ZNF521: variants seen among roughly 807,000 people sequenced by gnomAD.
ZNF521 encodes LYST-interacting protein 3.
ZNF521 carries 14 observed loss-of-function variants against 105.5 expected under a neutral mutation model. The ratio of observed to expected loss-of-function variants is 0.13; its 90% CI spans 0.09 to 0.21. The LOEUF is 0.21. Among genes scored for constraint, ZNF521 ranks in the 10% least tolerant of loss-of-function variants. The pLI is 1.00. For synonymous variants in ZNF521, 635 were observed against 606.0 expected, an observed-to-expected ratio of 1.05 and a Z score of -0.70; for missense variants, 1,233 against 1,629.7, an observed-to-expected ratio of 0.76 and a Z score of 4.19.
intron 7 of ZNF521, among the ~76,000 whole-genome samples, chr18:25,076,937 G>A (rs2033376571): frequency 6.6e-6 from 1 of 152,218 alleles, no homozygotes; most frequent in African/African-American, 2.4e-5. Context: ...GAAGAAACAG[G>A]CAGGCTCTTT....
intron 3 of ZNF521, among the ~76,000 whole-genome samples, chr18:25,279,934 G>T (rs373828552): frequency 2.0e-5 from 3 of 152,128 alleles, no homozygotes; most frequent in African/African-American, 7.2e-5. Flanking sequence ...AGGCTTTTAT[G>T]GTCTAGCATT....
rs1910698382 is a variant in ZNF521 at position 25,286,187 on chromosome 18, A to C, written c.220+35821T>G. On this transcript the variant is annotated intron_variant, in intron 3 of 7. Transcript: ENST00000361524. ...CACAAAGGACAGGAGTGGAATACTG[A>C]AGAGCTCTGGCACTGATGAGAGAGT... is the stretch of plus-strand genomic sequence containing the variant. Among the ~76,000 whole-genome samples the C allele has an allele frequency of 1.3e-5, 2 of 152,156 alleles. 1 individual carries two copies. The highest frequency in any genetic ancestry group is 4.1e-4 in the South Asian group (2 of 4,830).
intron 2 of ZNF521, among the ~76,000 whole-genome samples, chr18:25,339,205 CATA>C (rs1489595943): frequency 2.6e-5 from 4 of 152,190 alleles, no homozygotes; most frequent in African/African-American, 7.2e-5. Context: ...CAAAGAGGCA[CATA>C]ATATGTCTTC....
chr18:25,113,129 T>G (rs1463689046), intron 5 of ZNF521, among the ~76,000 whole-genome samples: 2 of 152,012 alleles, frequency 1.3e-5, no homozygotes, highest in Non-Finnish European at 2.9e-5. Flanking sequence ...CTGTCCTTAG[T>G]GGGAGTTACA....
chr18:25,175,825 T>C (rs530630577), intron 5 of ZNF521, among the ~76,000 whole-genome samples: 1 of 152,350 alleles, frequency 6.6e-6, no homozygotes, highest in South Asian at 2.1e-4. Flanking sequence ...AGACATGCCA[T>C]AGTATTCTTT....
intron 2 of ZNF521, among the ~76,000 whole-genome samples, chr18:25,334,629 A>G (rs1913768886): frequency 6.6e-6 from 1 of 152,216 alleles, no homozygotes; most frequent in Non-Finnish European, 1.5e-5. Flanking sequence ...CCCACCTTTT[A>G]TTGTAGATAA....
intron 3 of ZNF521, among the ~76,000 whole-genome samples, chr18:25,319,662 C>G (rs561139411): frequency 6.6e-6 from 1 of 151,718 alleles, no homozygotes; most frequent in Admixed American, 6.6e-5. Context: ...TATATAGTAT[C>G]AAAGTTATCT....
intron 5 of ZNF521, among the ~76,000 whole-genome samples, chr18:25,161,489 T>A (rs1181422137): frequency 1.3e-5 from 2 of 152,220 alleles, no homozygotes; most frequent in African/African-American, 4.8e-5. Flanking sequence ...GCCAGCATTG[T>A]GAATGAAGGC....
At chr18:25,249,962 C>A (rs1041240069) in intron 3 of ZNF521, among the ~76,000 whole-genome samples, 1 of 151,978 alleles carries the variant, frequency 6.6e-6, no homozygotes, top group Non-Finnish European at 1.5e-5. Context: ...GTTTTGAGAC[C>A]AAGTCTCGCT....
At position 25,225,081 on chromosome 18, in the gene ZNF521, C is replaced by T. The variant is rs752693444; in HGVS notation, c.2837G>A (p.Arg946Gln). ...GCCTAGGTGGGTCTGCATATGTTCC[C>T]GGAGGCCATTTTCGGAGAAGAAGGT... is the stretch of plus-strand genomic sequence containing the variant. ...SRTFFSENGL[R>Q]EHMQTHLGPV... Residue 946 changes from arginine (R) to glutamine (Q), a missense_variant, in exon 4 of 8, where the codon CGG becomes CAG. Transcript: ENST00000361524. The surrounding 1 kb of genome is among the most constrained non-coding windows in gnomAD (Gnocchi z 5.6). 57 of 1,614,050 alleles carry T rather than the reference C, an allele frequency of 3.5e-5. No individual in the cohort carries two copies. Among genetic ancestry groups the T allele is most frequent in the Middle Eastern group, 1.6e-4 (1 of 6,084 alleles).
chr18:25,325,881 G>C (rs1329378297), intron 2 of ZNF521, among the ~76,000 whole-genome samples: 1 of 152,162 alleles, frequency 6.6e-6, no homozygotes. Flanking sequence ...TTCCCTGATT[G>C]TGTTCTCTGG....
At position 25,129,529 on chromosome 18, in the gene ZNF521, T is replaced by G. The variant is rs537736301; in HGVS notation, c.3659-37448A>C. Among the ~76,000 whole-genome samples, 15 of 151,894 alleles carry G rather than the reference T, an allele frequency of 9.9e-5. No homozygotes were observed. In the South Asian group the frequency reaches 3.1e-3, roughly 32 times the overall value. On this transcript the variant is annotated intron_variant, in intron 5 of 7. Coordinates refer to ENST00000361524, the MANE Select transcript of ZNF521 (RefSeq NM_015461.3). ...ACTTCTGCTCTGCAAAAGACAATATTAGGAGATTGAAAAGATAAGCTATAT... is the reference window on the plus strand; with the variant it reads ...ACTTCTGCTCTGCAAAAGACAATATGAGGAGATTGAAAAGATAAGCTATAT...
intron 6 of ZNF521, among the ~76,000 whole-genome samples, chr18:25,090,777 C>T (rs1214904008): frequency 6.6e-6 from 1 of 152,168 alleles, no homozygotes; most frequent in African/African-American, 2.4e-5. Flanking sequence ...ACCTATGACC[C>T]AGTCCTCCTT....
chr18:25,124,735 A>G (rs1264551735), intron 5 of ZNF521, among the ~76,000 whole-genome samples: 4 of 152,216 alleles, frequency 2.6e-5, no homozygotes, highest in Non-Finnish European at 5.9e-5. Context: ...TATTTAAGTT[A>G]CATCAAATAA....
At chr18:25,150,117 C>T (rs895793473) in intron 5 of ZNF521, among the ~76,000 whole-genome samples, 1 of 152,114 alleles carries the variant, frequency 6.6e-6, no homozygotes, top group Non-Finnish European at 1.5e-5. Context: ...AAGTTAATGG[C>T]ATTCACAGCA....
chr18:25,183,734 C>T (rs140404691), intron 5 of ZNF521, among the ~76,000 whole-genome samples: 94 of 152,202 alleles, frequency 6.2e-4, no homozygotes, highest in Non-Finnish European at 5.4e-4. Context: ...TGCTGGTGCT[C>T]GTTTGAAACA....
intron 5 of ZNF521, among the ~76,000 whole-genome samples, chr18:25,147,357 G>T (rs2034964315): frequency 6.6e-6 from 1 of 152,092 alleles, no homozygotes; most frequent in Non-Finnish European, 1.5e-5. Context: ...CCATAAAAAT[G>T]AATCAATCAC....
At chr18:25,148,887 A>G (rs1369482884) in intron 5 of ZNF521, among the ~76,000 whole-genome samples, 1 of 152,224 alleles carries the variant, frequency 6.6e-6, no homozygotes, top group Non-Finnish European at 1.5e-5. Flanking sequence ...GCTTGGTGCT[A>G]TAAATATAGC....
At chr18:25,162,244 T>G (rs1017531374) in intron 5 of ZNF521, among the ~76,000 whole-genome samples, 1 of 152,138 alleles carries the variant, frequency 6.6e-6, no homozygotes, top group African/African-American at 2.4e-5. Context: ...TTAACATTCA[T>G]ACATGAGAAT....
Sources: allele counts gnomAD v4.1 joint callset (sites outside exome capture counted in the v4.1 genomes callset), GRCh38; gene constraint gnomAD v4.1.1; non-coding constraint Gnocchi (gnomAD v3.1); transcripts MANE v1.5; gene names NCBI Gene and HGNC (gene_info 2026-07-23, HGNC 2026-07-21).